WARS2: variants seen among roughly 807,000 people sequenced by gnomAD.
WARS2 encodes tryptophanyl tRNA synthetase 2, mitochondrial.
In WARS2, 28 loss-of-function variants were observed where a neutral mutation model predicts 36.5. The observed-to-expected ratio is 0.77, with a 90% CI of 0.57 to 1.05. The LOEUF (loss-of-function observed/expected upper bound fraction) is 1.05. Among genes scored for constraint, WARS2 ranks in the 50% least tolerant of loss-of-function variants. WARS2 has a pLI of 0.00. For synonymous variants in WARS2, 174 were observed against 178.4 expected (o/e 0.98, Z 0.20); for missense variants, 435 against 456.8 (o/e 0.95, Z 0.44).
chr1:119,090,361 G>A lies in WARS2; in HGVS notation c.91-13754C>T, dbSNP rs765271160. Among the ~76,000 whole-genome samples the A allele has an allele frequency of 8.5e-5, 13 of 152,082 alleles. No homozygotes were observed. The South Asian group carries it at 2.1e-3, about 24-fold the overall frequency. ...GGCTGTGCTTCCTTGTACAAATCACGGAACTTCCTTAGCTGTAAAATGGGA... is the reference window on the plus strand; with the variant it reads ...GGCTGTGCTTCCTTGTACAAATCACAGAACTTCCTTAGCTGTAAAATGGGA... On this transcript the variant is annotated intron_variant, in intron 1 of 5. Transcript: ENST00000235521.
At chr1:119,138,785 C>G (rs1656705023) in intron 1 of WARS2, among the ~76,000 whole-genome samples, 1 of 152,128 alleles carries the variant, frequency 6.6e-6, no homozygotes, top group South Asian at 2.1e-4. Flanking sequence ...TTATTCTACT[C>G]AAAGCTAAAT....
At chr1:119,135,747 T>TAGATAGAGAGATAGAG (rs1553183285) in intron 1 of WARS2, among the ~76,000 whole-genome samples, 1 of 115,826 alleles carries the variant, frequency 8.6e-6, no homozygotes, top group Non-Finnish European at 1.9e-5. Flanking sequence ...GATAGATAGA[T>TAGATAGAGAGATAGAG]AGATAGAGAG....
chr1:119,127,967 C>T (rs1290859436), intron 1 of WARS2, among the ~76,000 whole-genome samples: 1 of 152,160 alleles, frequency 6.6e-6, no homozygotes, highest in East Asian at 1.9e-4. Context: ...CTCATTTTCT[C>T]ACCTCTTCTC....
At position 119,042,267 on chromosome 1, in the gene WARS2, T is replaced by C. The variant is rs1398293253; in HGVS notation, c.512A>G (p.Tyr171Cys). Reference sequence around the variant, plus strand: ...CTGGGCTGAACTCTCTTCTTACTTGTACAACAGAATGTCGGCTGCCTGGAG... The same window carrying C: ...CTGGGCTGAACTCTCTTCTTACTTGCACAACAGAATGTCGGCTGCCTGGAG... ...PVLQAADILL[Y>C]KSTHVPVGED... Residue 171 changes from tyrosine (Y) to cysteine (C), a missense_variant, in exon 4 of 6, where the codon TAC becomes TGC. By Grantham distance (194) the Tyr-to-Cys change is radical. Transcript: ENST00000235521. 2.5e-6 allele frequency: 4 copies of C among 1,613,906 alleles called. No homozygotes were observed. Among genetic ancestry groups the C allele is most frequent in the Non-Finnish European group, 3.4e-6 (4 of 1,179,894 alleles).
intron 1 of WARS2, among the ~76,000 whole-genome samples, chr1:119,100,793 C>T (rs1252714202): frequency 6.6e-6 from 1 of 152,002 alleles, no homozygotes; most frequent in East Asian, 1.9e-4. Flanking sequence ...CCTGAATAGC[C>T]ACACCAGTTA....
Position 119,033,259 on chromosome 1 carries a change from C to G in WARS2, c.735G>C (p.Glu245Asp), listed in dbSNP as rs1283827993. 2.5e-6 allele frequency: 4 copies of G among 1,614,282 alleles called. No homozygotes were observed. The highest frequency in any genetic ancestry group is 3.4e-6 in the Non-Finnish European group (4 of 1,180,050). Residue 245 changes from glutamate (E) to aspartate (D), a missense_variant, in exon 6 of 6, where the codon GAG becomes GAC. Transcript: ENST00000235521. ...CCTTGCGGAATTTCTGCACTATCTC[C>G]TCTGGGCTGTCTGTTATTCGGACGG... is the stretch of plus-strand genomic sequence containing the variant. ...LATVRITDSP[E>D]EIVQKFRKAV...
chr1:119,055,727 G>A (rs1014686521), intron 2 of WARS2, among the ~76,000 whole-genome samples: 1 of 150,986 alleles, frequency 6.6e-6, no homozygotes, highest in African/African-American at 2.4e-5. Flanking sequence ...GAAGGAGGAG[G>A]AGGAGAAGAG....
chr1:119,084,993 A>G (rs775721125), intron 1 of WARS2: 2 of 562,290 alleles, frequency 3.6e-6, no homozygotes, highest in Admixed American at 2.9e-5. Context: ...GCAGCTGAAC[A>G]GTCTTCAGTG....
chr1:119,070,387 TC>T (rs1651200946), intron 2 of WARS2, among the ~76,000 whole-genome samples: 1 of 151,900 alleles, frequency 6.6e-6, no homozygotes, highest in African/African-American at 2.4e-5. Context: ...TCAGCCTCCC[TC>T]CCAAGTAGCT....
At chr1:119,122,776 G>C (rs1305475106) in intron 1 of WARS2, among the ~76,000 whole-genome samples, 5 of 152,152 alleles carry the variant, frequency 3.3e-5, no homozygotes, top group Admixed American at 3.3e-4. Context: ...TCTAAGTGAA[G>C]TAACTTATGA....
chr1:119,078,138 G>A (rs1401371815), intron 1 of WARS2, among the ~76,000 whole-genome samples: 4 of 152,298 alleles, frequency 2.6e-5, no homozygotes, highest in African/African-American at 7.2e-5. Flanking sequence ...TTTCAGGCCA[G>A]ATATCACTGA....
chr1:119,082,837 T>C (rs980776568), intron 1 of WARS2, among the ~76,000 whole-genome samples: 2 of 152,154 alleles, frequency 1.3e-5, no homozygotes, highest in African/African-American at 2.4e-5. Context: ...AAAATTCAAA[T>C]TGAAAATCCC....
chr1:119,121,507 A>G (rs896452618), intron 1 of WARS2, among the ~76,000 whole-genome samples: 3 of 152,032 alleles, frequency 2.0e-5, no homozygotes, highest in Admixed American at 6.6e-5. Flanking sequence ...CCATCAAAAT[A>G]CCACCAACAC....
At chr1:119,130,708 A>ATT (rs143741155) in intron 1 of WARS2, among the ~76,000 whole-genome samples, 25 of 152,138 alleles carry the variant, frequency 1.6e-4, no homozygotes, top group Non-Finnish European at 3.2e-4. Flanking sequence ...TGTCTCACTG[A>ATT]TTTTTTTTCA....
intron 2 of WARS2, among the ~76,000 whole-genome samples, chr1:119,052,066 G>A (rs777840960): frequency 3.3e-5 from 5 of 151,970 alleles, no homozygotes; most frequent in Non-Finnish European, 5.9e-5. Context: ...GGCCCTTGCT[G>A]TATTTTTAAA....
At chr1:119,037,497 C>G (rs1647981433) in intron 4 of WARS2, among the ~76,000 whole-genome samples, 1 of 152,156 alleles carries the variant, frequency 6.6e-6, no homozygotes. Flanking sequence ...GTGGTGTTTT[C>G]TTGTCATAAA....
chr1:119,126,104 C>G (rs1473446373), intron 1 of WARS2, among the ~76,000 whole-genome samples: 1 of 151,888 alleles, frequency 6.6e-6, no homozygotes, highest in Admixed American at 6.6e-5. Context: ...TCTCTTCTTC[C>G]CTACCCAGCC....
intron 2 of WARS2, among the ~76,000 whole-genome samples, chr1:119,066,253 G>A (rs535540325): frequency 9.2e-5 from 14 of 152,134 alleles, no homozygotes; most frequent in Admixed American, 5.2e-4. Context: ...TAAGGTGGGC[G>A]GATCACAAGG....
rs1649586344 is a variant in WARS2 at position 119,054,129 on chromosome 1, AAAC to A, written c.349-8470_349-8468del. Reference sequence around the variant, plus strand: ...TTTAATTATAAATTATTGTTAAATAAAACAATAACTATTATTATTAAATAAAAC... The same window carrying A: ...TTTAATTATAAATTATTGTTAAATAAAATAACTATTATTATTAAATAAAAC... On this transcript the variant is annotated intron_variant, in intron 2 of 5. Coordinates refer to ENST00000235521, the MANE Select transcript of WARS2 (RefSeq NM_015836.4). Among the ~76,000 whole-genome samples, 4 of 150,488 alleles carry A rather than the reference AAAC, an allele frequency of 2.7e-5. No individual in the cohort carries two copies. The South Asian group carries it at 8.3e-4, about 31-fold the overall frequency.
Sources: gnomAD v4.1 joint callset for allele counts (sites outside exome capture counted in the v4.1 genomes callset) on GRCh38, gnomAD v4.1.1 for gene constraint, MANE v1.5 for transcripts, NCBI Gene and HGNC (gene_info 2026-07-23, HGNC 2026-07-21) for gene names.